KATNIP: variants seen among roughly 807,000 people sequenced by gnomAD.
KATNIP encodes the protein katanin-interacting protein.
KATNIP carries 126 observed loss-of-function variants against 174.0 expected under a neutral mutation model. The observed-to-expected ratio is 0.72, with a 90% CI of 0.63 to 0.84. The LOEUF (loss-of-function observed/expected upper bound fraction) is 0.84. Ranked by LOEUF, KATNIP falls within the 40% of genes least tolerant of loss-of-function variation. KATNIP has a pLI of 0.00. For synonymous variants in KATNIP, 810 were observed against 835.7 expected, an observed-to-expected ratio of 0.97 and a Z score of 0.53; for missense variants, 1,958 against 2,109.7, an observed-to-expected ratio of 0.93 and a Z score of 1.41.
intron 6 of KATNIP, among the ~76,000 whole-genome samples, chr16:27,671,137 G>A (rs1373764179): frequency 6.6e-6 from 1 of 152,168 alleles, no homozygotes; most frequent in Non-Finnish European, 1.5e-5. Flanking sequence ...AGGTTGCAGT[G>A]AGCTGAGATC....
At chr16:27,667,708 T>C (rs2077733449) in intron 6 of KATNIP, among the ~76,000 whole-genome samples, 1 of 152,314 alleles carries the variant, frequency 6.6e-6, no homozygotes, top group East Asian at 1.9e-4. Flanking sequence ...AAGCTTCTAA[T>C]AGGCAGATTC....
intron 14 of KATNIP, among the ~76,000 whole-genome samples, chr16:27,738,251 G>A (rs2080970142): frequency 6.6e-6 from 1 of 152,146 alleles, no homozygotes; most frequent in African/African-American, 2.4e-5. Context: ...GACCATAAGT[G>A]GGTGGTTGCC....
intron 19 of KATNIP, 141 bp from the exon 20 acceptor site, chr16:27,766,167 AC>A: frequency 1.4e-6 from 1 of 727,830 alleles, no homozygotes. Flanking sequence ...CAGCAGTCAC[AC>A]CTCCCCTTAA....
intron 2 of KATNIP, among the ~76,000 whole-genome samples, chr16:27,598,201 AC>A (rs2075399577): frequency 6.6e-6 from 1 of 150,804 alleles, no homozygotes; most frequent in Admixed American, 6.7e-5. Context: ...AGAATGCGCC[AC>A]CATTGCACTG....
intron 2 of KATNIP, among the ~76,000 whole-genome samples, chr16:27,584,606 C>A (rs556560102): frequency 2.4e-3 from 370 of 152,184 alleles, no homozygotes; most frequent in Non-Finnish European, 3.8e-3. Flanking sequence ...GCCTGGCTAA[C>A]ATGGCAAAAC....
intron 5 of KATNIP, among the ~76,000 whole-genome samples, chr16:27,644,874 C>A (rs2076913226): frequency 6.6e-6 from 1 of 152,132 alleles, no homozygotes; most frequent in Non-Finnish European, 1.5e-5. Flanking sequence ...GTGTCCTGTT[C>A]TATCTTTCAG....
intron 19 of KATNIP, among the ~76,000 whole-genome samples, chr16:27,765,930 C>T (rs751265155): frequency 5.3e-5 from 8 of 152,084 alleles, no homozygotes; most frequent in East Asian, 3.9e-4. Context: ...CATCTTGGTT[C>T]GGATAGCCTT....
chr16:27,665,715 C>G (rs1415249504), intron 6 of KATNIP, among the ~76,000 whole-genome samples: 2 of 151,566 alleles, frequency 1.3e-5, no homozygotes, highest in Non-Finnish European at 2.9e-5. Flanking sequence ...ATTCTTCTGT[C>G]TCGGCCTCCC....
At chr16:27,712,867 G>A (rs1376556247) in intron 13 of KATNIP, among the ~76,000 whole-genome samples, 1 of 152,098 alleles carries the variant, frequency 6.6e-6, no homozygotes, top group Non-Finnish European at 1.5e-5. Context: ...GAGCAGTGGT[G>A]CAGTCATTGT....
intron 14 of KATNIP, among the ~76,000 whole-genome samples, chr16:27,730,940 C>G (rs59771667): frequency 0.011 from 1,690 of 152,338 alleles, 28 homozygotes; most frequent in African/African-American, 0.038. Flanking sequence ...CATCCACTGG[C>G]TGGAGCTGAA....
Position 27,778,565 on chromosome 16 carries a change from T to A in KATNIP, c.4802-9T>A. 1.9e-6 allele frequency: 3 copies of A among 1,613,442 alleles called. No homozygotes were observed. The highest frequency in any genetic ancestry group is 2.5e-6 in the Non-Finnish European group (3 of 1,179,600). ...GTAACTCTGGTCCCTCTGTTCCCTG[T>A]CATGACAGCCTTACGTCCCAAAACC... On this transcript the variant is annotated splice_polypyrimidine_tract_variant and intron_variant, in intron 27 of 27. Transcript: ENST00000261588.
chr16:27,630,557 T>G (rs567861130), intron 4 of KATNIP, among the ~76,000 whole-genome samples: 1 of 152,332 alleles, frequency 6.6e-6, no homozygotes, highest in Admixed American at 6.5e-5. Flanking sequence ...CTCCTAGTTT[T>G]CACAGTGGAG....
intron 2 of KATNIP, among the ~76,000 whole-genome samples, chr16:27,591,675 G>A (rs960042877): frequency 2.0e-5 from 3 of 152,088 alleles, no homozygotes; most frequent in Admixed American, 1.3e-4. Flanking sequence ...CATGGGGCCC[G>A]GCATGTATTA....
chr16:27,565,614 C>G (rs965046788), intron 1 of KATNIP, among the ~76,000 whole-genome samples: 2 of 151,944 alleles, frequency 1.3e-5, no homozygotes, highest in Non-Finnish European at 2.9e-5. Context: ...AGTGAGACCC[C>G]TGTCTCTACA....
At chr16:27,641,680 GAA>G (rs2076803355) in intron 5 of KATNIP, among the ~76,000 whole-genome samples, 1 of 152,244 alleles carries the variant, frequency 6.6e-6, no homozygotes, top group Non-Finnish European at 1.5e-5. Flanking sequence ...ATTGGAAATT[GAA>G]TGTGCGTGCG....
At chr16:27,632,727 T>G in intron 5 of KATNIP, 1 of 420,140 alleles carries the variant, frequency 2.4e-6, no homozygotes, top group Non-Finnish European at 4.9e-6. Context: ...GGTGGAGTCT[T>G]TGAAAAGGGC....
chr16:27,574,709 C>T (rs1270839884), intron 2 of KATNIP, among the ~76,000 whole-genome samples: 1 of 151,888 alleles, frequency 6.6e-6, no homozygotes, highest in African/African-American at 2.4e-5. Flanking sequence ...GAATTACAGG[C>T]GCCTGCCACC....
chr16:27,683,608 G>A (rs1435587527), intron 8 of KATNIP, among the ~76,000 whole-genome samples: 1 of 152,194 alleles, frequency 6.6e-6, no homozygotes, highest in African/African-American at 2.4e-5. Context: ...GGGGAAAAGA[G>A]CCAAATAGAA....
intron 18 of KATNIP, 23 bp from the exon 19 acceptor site, chr16:27,761,390 G>C (rs374674893): frequency 1.3e-6 from 2 of 1,592,350 alleles, no homozygotes; most frequent in African/African-American, 1.4e-5. Flanking sequence ...GGTGCTAATG[G>C]GCCACTTCTC....
Sources: allele counts gnomAD v4.1 joint callset (sites outside exome capture counted in the v4.1 genomes callset), GRCh38; gene constraint gnomAD v4.1.1; transcripts MANE v1.5; gene names NCBI Gene and HGNC (gene_info 2026-07-23, HGNC 2026-07-21).